The following CEP70 variants were observed in gnomAD, a reference collection of about 807,000 sequenced individuals.
CEP70 encodes centrosomal protein 70.
CEP70 carries 70 observed loss-of-function variants against 90.9 expected under a neutral mutation model. The observed-to-expected ratio is 0.77, with a 90% confidence interval of 0.64 to 0.94. The LOEUF (loss-of-function observed/expected upper bound fraction) is 0.94. Ranked by LOEUF, CEP70 falls within the 40% of genes least tolerant of loss-of-function variation. The pLI is 0.00. For missense variants in CEP70, 648 were observed against 669.0 expected, an observed-to-expected ratio of 0.97 and a Z score of 0.35; for synonymous variants, 220 against 228.3, an observed-to-expected ratio of 0.96 and a Z score of 0.33.
chr3:138,544,357 C>CAAAAAAAAAA (rs59364039), intron 6 of CEP70, among the ~76,000 whole-genome samples: 1 of 136,044 alleles, frequency 7.4e-6, no homozygotes, highest in African/African-American at 2.6e-5. Flanking sequence ...ACTCAAAAGA[C>CAAAAAAAAAA]AAAAAAAAAA....
At chr3:138,591,763 T>C (rs1223816306) in intron 2 of CEP70, 91 bp downstream of exon 2, 11 of 1,028,138 alleles carry the variant, frequency 1.1e-5, no homozygotes, top group Non-Finnish European at 1.6e-5. Context: ...AAAGGAAATA[T>C]ATGTAATGAA....
intron 13 of CEP70, among the ~76,000 whole-genome samples, chr3:138,502,403 C>T (rs2034596988): frequency 6.6e-6 from 1 of 152,114 alleles, no homozygotes; most frequent in Admixed American, 6.6e-5. Context: ...ACTTGACACT[C>T]TCCACTTAAG....
chr3:138,586,170 CT>C (rs910155922), intron 2 of CEP70, among the ~76,000 whole-genome samples: 20 of 147,932 alleles, frequency 1.4e-4, no homozygotes, highest in South Asian at 4.3e-4. Flanking sequence ...TCTGAAACAA[CT>C]TTTTTTTTTT....
chr3:138,592,194 C>G (rs746708267), intron 1 of CEP70, among the ~76,000 whole-genome samples: 2 of 152,128 alleles, frequency 1.3e-5, no homozygotes, highest in Non-Finnish European at 2.9e-5. Context: ...AGCTGGGTAT[C>G]CAAATCTATC....
rs774706923 is a variant in CEP70 at position 138,500,768 on chromosome 3, A to G, written c.1335T>C (p.Asp445=). The change falls in exon 14 of 18, where the codon GAT becomes GAC. Residue 445 remains aspartate (D), a synonymous_variant. Coordinates refer to ENST00000264982, the MANE Select transcript of CEP70 (RefSeq NM_024491.4). ...TATTTTCAACTTCTTCCAGCATAGT[A>G]TCTACTATAAACAACAAATCTTCAA... ...IKVEDLLFIV[D]TMLEEVENKE... is the part of the protein sequence containing the mutation. The G allele has an allele frequency of 2.1e-5, 33 of 1,604,132 alleles. No homozygotes were observed. The highest frequency in any genetic ancestry group is 2.5e-5 in the Non-Finnish European group (29 of 1,175,448).
At chr3:138,521,177 G>A (rs538782331) in intron 11 of CEP70, among the ~76,000 whole-genome samples, 16 of 152,250 alleles carry the variant, frequency 1.1e-4, no homozygotes, top group Admixed American at 3.3e-4. Context: ...CCTCCCAGCC[G>A]CCTGCCTTGG....
At chr3:138,575,782 G>C (rs1243103121) in intron 2 of CEP70, among the ~76,000 whole-genome samples, 1 of 152,324 alleles carries the variant, frequency 6.6e-6, no homozygotes, top group Admixed American at 6.5e-5. Context: ...CCAGAAGAGA[G>C]TGGGGGCCAA....
chr3:138,519,662 TACAAGA>T (rs2036414033), intron 11 of CEP70, among the ~76,000 whole-genome samples: 2 of 152,152 alleles, frequency 1.3e-5, no homozygotes, highest in Non-Finnish European at 2.9e-5. Context: ...AGGCCTGTCC[TACAAGA>T]GCTCCTGAAG....
chr3:138,505,271 A>G (rs1280077497), intron 13 of CEP70, 24 bp downstream of exon 13: 1 of 1,564,350 alleles, frequency 6.4e-7, no homozygotes, highest in South Asian at 1.2e-5. Context: ...TGTTCAAAGC[A>G]TATAATCATA....
At chr3:138,495,930 G>T in intron 17 of CEP70, 1 of 985,278 alleles carries the variant, frequency 1.0e-6, no homozygotes, top group Non-Finnish European at 1.2e-6. Flanking sequence ...ATATTATAGA[G>T]CTTAGCCTGG....
intron 11 of CEP70, among the ~76,000 whole-genome samples, chr3:138,515,328 C>A (rs1009005740): frequency 1.3e-5 from 2 of 151,962 alleles, no homozygotes; most frequent in African/African-American, 4.8e-5. Flanking sequence ...ATAACTCATA[C>A]CTGATAAAGC....
chr3:138,577,357 T>TA lies in CEP70; in HGVS notation c.-5-4426dup, dbSNP rs540461246. Among the ~76,000 whole-genome samples the TA allele has an allele frequency of 3.4e-4, 52 of 152,044 alleles. No homozygotes were observed. In the East Asian group the frequency reaches 0.01, roughly 29 times the overall value. Reference sequence around the variant, plus strand: ...AAAGTATAATAAATACATAAATAAATAAACCCAAGGGTCAGGCACAATGGC... The same window carrying TA: ...AAAGTATAATAAATACATAAATAAATAAAACCCAAGGGTCAGGCACAATGGC... On this transcript the variant is annotated intron_variant, in intron 2 of 17. Coordinates refer to ENST00000264982, the MANE Select transcript of CEP70 (RefSeq NM_024491.4).
At chr3:138,508,899 A>T (rs1324978913) in intron 11 of CEP70, among the ~76,000 whole-genome samples, 1 of 151,822 alleles carries the variant, frequency 6.6e-6, no homozygotes, top group Admixed American at 6.6e-5. Context: ...ATGCCTGGCT[A>T]ATTTTTTATA....
intron 6 of CEP70, among the ~76,000 whole-genome samples, chr3:138,567,051 A>G (rs747726199): frequency 6.6e-6 from 1 of 152,174 alleles, no homozygotes; most frequent in South Asian, 2.1e-4. Context: ...AAAAAGGAAT[A>G]AACTATGGAT....
intron 12 of CEP70, among the ~76,000 whole-genome samples, chr3:138,507,968 C>T (rs1296983535): frequency 6.6e-6 from 1 of 152,160 alleles, no homozygotes; most frequent in Non-Finnish European, 1.5e-5. Context: ...CCAGGTTTAA[C>T]TGCTCAGCTA....
chr3:138,561,807 C>A (rs2040426330), intron 6 of CEP70, among the ~76,000 whole-genome samples: 2 of 151,878 alleles, frequency 1.3e-5, no homozygotes, highest in African/African-American at 4.8e-5. Flanking sequence ...GGGTGGATCA[C>A]AAGGTCAGGA....
intron 6 of CEP70, among the ~76,000 whole-genome samples, chr3:138,557,836 A>C (rs916257642): frequency 4.6e-5 from 7 of 152,342 alleles, no homozygotes; most frequent in Admixed American, 3.9e-4. Flanking sequence ...AAGACATAAC[A>C]GATCAAGCCC....
intron 11 of CEP70, among the ~76,000 whole-genome samples, chr3:138,511,437 CT>C (rs1229007739): frequency 6.6e-6 from 1 of 152,218 alleles, no homozygotes; most frequent in Non-Finnish European, 1.5e-5. Flanking sequence ...TCTAGAAGGA[CT>C]AGACGTAAAC....
At chr3:138,555,212 G>C (rs1018532350) in intron 6 of CEP70, among the ~76,000 whole-genome samples, 2 of 141,044 alleles carry the variant, frequency 1.4e-5, no homozygotes, top group Admixed American at 7.5e-5. Context: ...GTATGCCATC[G>C]CACTCCAGTC....
Sources: gnomAD v4.1 joint callset for allele counts (sites outside exome capture counted in the v4.1 genomes callset) on GRCh38, gnomAD v4.1.1 for gene constraint, MANE v1.5 for transcripts, NCBI Gene and HGNC (gene_info 2026-07-23, HGNC 2026-07-21) for gene names.